Variants in HPSE2 observed in about 807,000 individuals in gnomAD.
The protein encoded by HPSE2 is inactive heparanase-2.
In HPSE2, 38 loss-of-function variants were observed where a neutral mutation model predicts 60.5. The observed-to-expected ratio is 0.63, with a 90% confidence interval of 0.48 to 0.82. The LOEUF is 0.82. HPSE2 is among the 40% of genes least tolerant of loss of function. The pLI is 0.00. For synonymous variants in HPSE2, 295 were observed against 293.2 expected (o/e 1.01, Z -0.06); for missense variants, 713 against 740.4 (o/e 0.96, Z 0.43).
At chr10:99,274,948 C>T in the HPSE2 span, among the ~76,000 whole-genome samples, 1 of 152,170 alleles carries the variant, frequency 6.6e-6, no homozygotes, top group Admixed American at 6.5e-5. Flanking sequence ...TCTTCAAGGG[C>T]ACCCTTTTCC....
intron 6 of HPSE2, among the ~76,000 whole-genome samples, chr10:98,642,827 C>T (rs1946673258): frequency 6.6e-6 from 1 of 152,124 alleles, no homozygotes; most frequent in African/African-American, 2.4e-5. Context: ...GCTTGTGATT[C>T]CTGGGTGCCT....
At chr10:98,476,412 A>G (rs7071009) in intron 11 of HPSE2, among the ~76,000 whole-genome samples, 59,546 of 146,138 alleles carry the variant, frequency 0.41, 13,178 homozygotes, top group African/African-American at 0.61. Flanking sequence ...CATGGCACAT[A>G]TATACATATG....
At chr10:98,758,888 A>G (rs1949942487) in intron 3 of HPSE2, among the ~76,000 whole-genome samples, 1 of 152,204 alleles carries the variant, frequency 6.6e-6, no homozygotes, top group Non-Finnish European at 1.5e-5. Context: ...ATGCATGCAT[A>G]TGTTCAATGC....
rs1468185786 is a variant in HPSE2 at position 98,457,698 on chromosome 10, A to AC, written c.*1875dup. 3.4e-5 allele frequency: 5 copies of AC among 146,608 alleles called. No homozygotes were observed. The highest frequency in any genetic ancestry group is 7.5e-5 in the Non-Finnish European group (5 of 66,512). 9.1% of individuals were successfully genotyped at this position (146,608 alleles called of 1,614,324 possible). On this transcript the variant is annotated 3_prime_UTR_variant, in exon 12 of 12. Transcript: ENST00000370552. ...CTGTTTCTTCTTTCTCTTATTTCCT[A>AC]CCCCCCGCCCCGCCCCCATCTTGGT...
chr10:99,290,310 ATC>A, the HPSE2 span, among the ~76,000 whole-genome samples: 1 of 152,168 alleles, frequency 6.6e-6, no homozygotes, highest in South Asian at 2.1e-4. Flanking sequence ...TATTTCATTC[ATC>A]TCTGTGTCCC....
chr10:98,927,434 T>C (rs1590092824), intron 3 of HPSE2, among the ~76,000 whole-genome samples: 1 of 150,862 alleles, frequency 6.6e-6, no homozygotes, highest in South Asian at 2.1e-4. Flanking sequence ...ATAGATTCAA[T>C]GCCATCCCCA....
At chr10:98,537,446 T>G (rs2013426) in intron 9 of HPSE2, among the ~76,000 whole-genome samples, 5,069 of 152,272 alleles carry the variant, frequency 0.033, 259 homozygotes, top group Admixed American at 0.14. Context: ...ATAATACAAA[T>G]TAGATATAGA....
the HPSE2 span, among the ~76,000 whole-genome samples, chr10:99,304,792 G>C: frequency 6.6e-6 from 1 of 152,236 alleles, no homozygotes; most frequent in Admixed American, 6.5e-5. Context: ...GCACAGGAAT[G>C]CTGCTTACAG....
intron 3 of HPSE2, among the ~76,000 whole-genome samples, chr10:98,874,821 G>C (rs911995254): frequency 6.6e-6 from 1 of 151,982 alleles, no homozygotes; most frequent in Admixed American, 6.6e-5. Context: ...TAACATGAAG[G>C]GATGTTGAAT....
the HPSE2 span, among the ~76,000 whole-genome samples, chr10:99,306,055 G>GA: frequency 2.8e-5 from 4 of 144,610 alleles, no homozygotes; most frequent in African/African-American, 5.1e-5. Flanking sequence ...GAAGAGAGAA[G>GA]AAAAAAAATG....
chr10:98,724,359 T>C (rs1949012639), intron 4 of HPSE2, among the ~76,000 whole-genome samples: 1 of 152,164 alleles, frequency 6.6e-6, no homozygotes. Context: ...TTCTTTGACA[T>C]TTGCTGAGGA....
intron 6 of HPSE2, among the ~76,000 whole-genome samples, chr10:98,655,068 G>A (rs1449831331): frequency 6.6e-6 from 1 of 152,156 alleles, no homozygotes; most frequent in Non-Finnish European, 1.5e-5. Context: ...TAACTTTATG[G>A]TTAAATCTCA....
At chr10:98,896,204 A>G (rs1953488796) in intron 3 of HPSE2, among the ~76,000 whole-genome samples, 1 of 152,088 alleles carries the variant, frequency 6.6e-6, no homozygotes, top group South Asian at 2.1e-4. Context: ...CCTACAGTTG[A>G]TCCTAGTATA....
At chr10:98,989,100 G>T (rs982452653) in intron 3 of HPSE2, among the ~76,000 whole-genome samples, 1 of 151,924 alleles carries the variant, frequency 6.6e-6, no homozygotes, top group Admixed American at 6.6e-5. Flanking sequence ...ATTCCTCAGG[G>T]ATCTAGAACT....
At chr10:99,166,474 T>C (rs1337104106) in intron 2 of HPSE2, among the ~76,000 whole-genome samples, 1 of 152,208 alleles carries the variant, frequency 6.6e-6, no homozygotes, top group Admixed American at 6.5e-5. Flanking sequence ...TAATTGGTAT[T>C]TTCAGTTTTG....
intron 11 of HPSE2, among the ~76,000 whole-genome samples, chr10:98,470,319 T>A (rs561719291): frequency 1.6e-4 from 25 of 152,304 alleles, no homozygotes; most frequent in Admixed American, 8.5e-4. Flanking sequence ...CCCACAGATA[T>A]CCAAGTGCAA....
chr10:98,599,722 G>A (rs899342643), intron 9 of HPSE2, among the ~76,000 whole-genome samples: 1 of 152,148 alleles, frequency 6.6e-6, no homozygotes, highest in Non-Finnish European at 1.5e-5. Flanking sequence ...TATTGAAGAG[G>A]TTCAATGTGT....
chr10:98,820,721 T>C (rs887315675), intron 3 of HPSE2, among the ~76,000 whole-genome samples: 8 of 152,336 alleles, frequency 5.3e-5, no homozygotes, highest in Admixed American at 1.3e-4. Context: ...CACAGACCCA[T>C]TGGCTATTAT....
chr10:99,072,021 G>GT (rs1393638848), intron 3 of HPSE2, among the ~76,000 whole-genome samples: 1 of 84,314 alleles, frequency 1.2e-5, no homozygotes, highest in East Asian at 4.8e-4. Flanking sequence ...CTCTAACTTT[G>GT]TTTGTTTTTT....
Sources: gnomAD v4.1 joint callset for allele counts (sites outside exome capture counted in the v4.1 genomes callset) on GRCh38, gnomAD v4.1.1 for gene constraint, MANE v1.5 for transcripts, NCBI Gene and HGNC (gene_info 2026-07-23, HGNC 2026-07-21) for gene names.